The following CRYL1 variants were observed in gnomAD, a reference collection of about 807,000 sequenced individuals.
CRYL1 encodes the protein crystallin lambda 1, also known as lambda-crystallin homolog.
A neutral mutation model predicts 36.6 loss-of-function variants in CRYL1; 29 were observed. The observed-to-expected ratio is 0.79, with a 90% CI of 0.59 to 1.08. The LOEUF (loss-of-function observed/expected upper bound fraction) is 1.08, where lower values mean the gene tolerates loss of function less well. Among genes scored for constraint, CRYL1 ranks in the 50% least tolerant of loss-of-function variants. The pLI, the probability that CRYL1 is intolerant of heterozygous loss-of-function variation, is 0.00. For missense variants in CRYL1, 411 were observed against 407.9 expected, an observed-to-expected ratio of 1.01 and a Z score of -0.06; for synonymous variants, 152 against 151.5, an observed-to-expected ratio of 1.00 and a Z score of -0.02.
At chr13:20,470,919 AAAAAAAAC>A (rs1383372992) in intron 3 of CRYL1, among the ~76,000 whole-genome samples, 126 of 149,508 alleles carry the variant, frequency 8.4e-4, no homozygotes, top group African/African-American at 2.8e-3. Context: ...TCAAAAAAAA[AAAAAAAAC>A]AAAAAAAAAA....
At chr13:20,409,388 C>A (rs1307996726) in intron 6 of CRYL1, among the ~76,000 whole-genome samples, 1 of 151,984 alleles carries the variant, frequency 6.6e-6, no homozygotes, top group Non-Finnish European at 1.5e-5. Context: ...AAGACTTTAA[C>A]ATAAACCATT....
At chr13:20,520,951 A>G (rs1441869887) in intron 1 of CRYL1, among the ~76,000 whole-genome samples, 1 of 152,020 alleles carries the variant, frequency 6.6e-6, no homozygotes, top group African/African-American at 2.4e-5. Context: ...TAAAATATAA[A>G]TAATTAGCCA....
chr13:20,439,382 G>A (rs2032301075), intron 4 of CRYL1, among the ~76,000 whole-genome samples: 1 of 151,884 alleles, frequency 6.6e-6, no homozygotes, highest in Non-Finnish European at 1.5e-5. Flanking sequence ...CTAGTATTGT[G>A]CAACTCTGAA....
chr13:20,501,592 G>A (rs78683763), intron 2 of CRYL1, among the ~76,000 whole-genome samples: 23 of 152,310 alleles, frequency 1.5e-4, no homozygotes, highest in Non-Finnish European at 3.2e-4. Context: ...AGCTAAAGAT[G>A]GGGAAGAATG....
intron 6 of CRYL1, among the ~76,000 whole-genome samples, chr13:20,406,429 T>C (rs1270400881): frequency 2.0e-5 from 3 of 152,186 alleles, no homozygotes; most frequent in African/African-American, 7.2e-5. Flanking sequence ...GACTCAAACA[T>C]ACCAACTTTT....
At chr13:20,404,523 G>A in intron 7 of CRYL1, 112 bp downstream of exon 7, 1 of 725,128 alleles carries the variant, frequency 1.4e-6, no homozygotes, top group Non-Finnish European at 2.4e-6. Flanking sequence ...CAAGATCAAG[G>A]GTAAAGATTC....
chr13:20,420,882 C>G (rs1015582920), intron 5 of CRYL1, among the ~76,000 whole-genome samples: 1 of 151,466 alleles, frequency 6.6e-6, no homozygotes. Context: ...ACTACAGGCC[C>G]GCCACCACGC....
chr13:20,520,488 G>C (rs888008253), intron 1 of CRYL1, among the ~76,000 whole-genome samples: 3 of 152,132 alleles, frequency 2.0e-5, no homozygotes, highest in African/African-American at 7.2e-5. Context: ...GCAAATCCTT[G>C]GAATCGCAAT....
intron 6 of CRYL1, chr13:20,406,142 A>G (rs1390349347): frequency 6.6e-6 from 1 of 152,158 alleles, no homozygotes; most frequent in Non-Finnish European, 1.5e-5. Context: ...CAAAGGTAAC[A>G]TGGGGACAAA....
At chr13:20,424,707 C>G (rs1463573583) in intron 5 of CRYL1, among the ~76,000 whole-genome samples, 1 of 152,202 alleles carries the variant, frequency 6.6e-6, no homozygotes, top group African/African-American at 2.4e-5. Flanking sequence ...CCCCCAACCC[C>G]CTGCAGAGCC....
Position 20,415,022 on chromosome 13 carries a change from G to A in CRYL1, c.634-1635C>T, listed in dbSNP as rs1258245798. Among the ~76,000 whole-genome samples, 1 of 152,212 alleles carries A rather than the reference G, an allele frequency of 6.6e-6. No homozygotes were observed. The highest frequency in any genetic ancestry group is 1.5e-5 in the Non-Finnish European group (1 of 68,020). On this transcript the variant is annotated intron_variant, in intron 5 of 7. Transcript: ENST00000298248. This position sits in a 1 kb window ranked among gnomAD's most constrained non-coding sequence, Gnocchi z 4.1. ...CAGTAGCGCTGGCCCGCCTGCGAGA[G>A]CCCGACCGTGGACGATGCGTCGCGC...
At chr13:20,461,939 AG>A (rs2032827785) in intron 3 of CRYL1, among the ~76,000 whole-genome samples, 1 of 13,638 alleles carries the variant, frequency 7.3e-5, no homozygotes, top group East Asian at 1.3e-3. Context: ...ACCTTGTGGG[AG>A]GGATGGGGTG....
intron 2 of CRYL1, among the ~76,000 whole-genome samples, chr13:20,495,189 A>C (rs1222193565): frequency 1.3e-5 from 2 of 152,220 alleles, no homozygotes; most frequent in Non-Finnish European, 2.9e-5. Flanking sequence ...CACCTAGAAA[A>C]GATGTGCCAA....
intron 2 of CRYL1, among the ~76,000 whole-genome samples, chr13:20,501,976 G>C (rs1565985494): frequency 1.3e-5 from 2 of 152,232 alleles, no homozygotes; most frequent in Non-Finnish European, 2.9e-5. Flanking sequence ...CACGGTGATA[G>C]TGTGTGGACA....
At chr13:20,423,358 A>G (rs538677102) in intron 5 of CRYL1, among the ~76,000 whole-genome samples, 1 of 152,308 alleles carries the variant, frequency 6.6e-6, no homozygotes, top group South Asian at 2.1e-4. Flanking sequence ...CTTAGAAGAA[A>G]AGCCTTCAAC....
intron 3 of CRYL1, among the ~76,000 whole-genome samples, chr13:20,471,219 C>G (rs1383942545): frequency 6.6e-6 from 1 of 152,088 alleles, no homozygotes; most frequent in Non-Finnish European, 1.5e-5. Context: ...GGAACACTTA[C>G]ATTAAGTAAC....
chr13:20,477,730 TTTATA>T (rs1335803935), intron 3 of CRYL1, among the ~76,000 whole-genome samples: 2 of 146,460 alleles, frequency 1.4e-5, no homozygotes, highest in Non-Finnish European at 3.0e-5. Flanking sequence ...AAAAATTATT[TTTATA>T]TTATATATTA....
chr13:20,497,257 C>G (rs1234939681), intron 2 of CRYL1, among the ~76,000 whole-genome samples: 1 of 151,928 alleles, frequency 6.6e-6, no homozygotes, highest in Admixed American at 6.6e-5. Context: ...TGCCCACACA[C>G]CACATACACA....
intron 5 of CRYL1, 97 bp downstream of exon 5, chr13:20,432,005 C>T (rs776245372): frequency 1.6e-4 from 255 of 1,594,762 alleles, no homozygotes; most frequent in Non-Finnish European, 2.0e-4. Context: ...TCCAGGCTGC[C>T]CAAGGAACAA....
Sources: allele counts gnomAD v4.1 joint callset (sites outside exome capture counted in the v4.1 genomes callset), GRCh38; gene constraint gnomAD v4.1.1; non-coding constraint Gnocchi (gnomAD v3.1); transcripts MANE v1.5; gene names NCBI Gene and HGNC (gene_info 2026-07-23, HGNC 2026-07-21).